Variants in INKA2 observed in about 807,000 individuals in gnomAD.
INKA2 encodes PAK4-inhibitor INKA2.
INKA2 carries 3 observed loss-of-function variants against 9.8 expected under a neutral mutation model. The observed-to-expected ratio is 0.31, with a 90% CI of 0.14 to 0.79. INKA2 has a LOEUF of 0.79. INKA2 is among the 30% of genes least tolerant of loss of function. The pLI is 0.62. For synonymous variants in INKA2, 147 were observed against 143.3 expected, an observed-to-expected ratio of 1.03 and a Z score of -0.18; for missense variants, 392 against 384.4, an observed-to-expected ratio of 1.02 and a Z score of -0.17.
intron 1 of INKA2, chr1:111,754,076 T>A (rs1443323123): frequency 6.6e-6 from 1 of 152,178 alleles, no homozygotes; most frequent in African/African-American, 2.4e-5. Flanking sequence ...TAAAGGGATC[T>A]AAAATATAGG....
At chr1:111,737,786 A>G (rs939772180) in intron 1 of INKA2, among the ~76,000 whole-genome samples, 3 of 152,210 alleles carry the variant, frequency 2.0e-5, no homozygotes, top group African/African-American at 7.2e-5. Flanking sequence ...GGGCTCCAGG[A>G]GGGAGGACTA....
Position 111,727,756 on chromosome 1 carries a change from T to G in INKA2, c.106A>C (p.Met36Leu), listed in dbSNP as rs756385584. Residue 36 changes from methionine to leucine, a missense_variant, in exon 2 of 2, where the codon ATG (methionine) becomes CTG (leucine). Transcript: ENST00000357260. ...TTCAGTTCTTGCAGTGCACCCATCA[T>G]GCAGTTCATCTGATCCTGTAAGCCA... Reference protein sequence around the residue: ...GDGLQDQMNCMMGALQELKLL... With the variant: ...GDGLQDQMNCLMGALQELKLL... The G allele has an allele frequency of 2.5e-6, 4 of 1,612,440 alleles. No individual in the cohort carries two copies. The highest frequency in any genetic ancestry group is 1.1e-5 in the South Asian group (1 of 91,082).
At chr1:111,754,810 G>GA (rs1416991204) in intron 1 of INKA2, 2 of 152,208 alleles carry the variant, frequency 1.3e-5, no homozygotes, top group African/African-American at 4.8e-5. Flanking sequence ...ATGCAGAGGA[G>GA]AACAAGACAG....
upstream of INKA2, among the ~76,000 whole-genome samples, chr1:111,743,367 C>T (rs894580185): frequency 2.0e-5 from 3 of 152,316 alleles, no homozygotes; most frequent in South Asian, 6.2e-4. Context: ...CGGTACTTTA[C>T]CTGACAGAGA....
intron 1 of INKA2, among the ~76,000 whole-genome samples, chr1:111,730,451 A>G (rs1465858649): frequency 6.6e-6 from 1 of 152,118 alleles, no homozygotes; most frequent in Non-Finnish European, 1.5e-5. Context: ...AGCCTCCTAG[A>G]CAGCTTCCGA....
At chr1:111,731,053 T>C (rs1662896000) in intron 1 of INKA2, among the ~76,000 whole-genome samples, 2 of 152,162 alleles carry the variant, frequency 1.3e-5, no homozygotes, top group Admixed American at 6.5e-5. Flanking sequence ...GAGGGAGGAA[T>C]GAAATGACTC....
At chr1:111,732,491 C>T (rs1662929298) in intron 1 of INKA2, among the ~76,000 whole-genome samples, 1 of 151,928 alleles carries the variant, frequency 6.6e-6, no homozygotes, top group African/African-American at 2.4e-5. Context: ...AGAGAATTCA[C>T]AAGAAGGTCG....
At chr1:111,734,682 C>T (rs895559492) in intron 1 of INKA2, among the ~76,000 whole-genome samples, 2 of 152,218 alleles carry the variant, frequency 1.3e-5, no homozygotes, top group Admixed American at 6.5e-5. Flanking sequence ...CTTCAGACAT[C>T]CCCACCACTT....
chr1:111,752,329 A>G (rs1050171795), intron 1 of INKA2, among the ~76,000 whole-genome samples: 2 of 152,236 alleles, frequency 1.3e-5, no homozygotes, highest in African/African-American at 4.8e-5. Context: ...TTGGCTCCCC[A>G]CATCTGGTTA....
chr1:111,733,670 C>T (rs963207669), intron 1 of INKA2, among the ~76,000 whole-genome samples: 2 of 152,162 alleles, frequency 1.3e-5, no homozygotes, highest in Non-Finnish European at 1.5e-5. Context: ...GCCCTGAGCC[C>T]CACAGAGGTT....
In INKA2 at chr1:111,755,638, G is replaced by A; in HGVS notation, n.124+63C>T. ...GGCTCCGCCCAGAAGAGGGCCGAGA[G>A]GCGGGGCGGTGCCCCCACCGCAGGC... On this transcript the variant is annotated intron_variant and non_coding_transcript_variant, in intron 1 of 1. Coordinates refer to the INKA2 transcript ENST00000444059. 6.9e-6 allele frequency: 11 copies of A among 1,604,824 alleles called. No individual in the cohort carries two copies. In the South Asian group the frequency reaches 1.2e-4, roughly 18 times the overall value.
rs1312899005 is a variant in INKA2 at position 111,727,005 on chromosome 1, G to C, written c.857C>G (p.Pro286Arg). Residue 286 changes from proline (P) to arginine (R), a missense_variant, in exon 2 of 2, where the codon CCC (proline) becomes CGC (arginine). By Grantham distance (103) the Pro-to-Arg change is moderately radical. Transcript: ENST00000357260. ...AGCTGTGTTAATATCAAATCCTGAG[G>C]GTGAGTGCTCCAGGGCCTTGGGGCA... ...TSCPKALEHS[P>R]SGFDINTAVW... is the part of the protein sequence containing the mutation. 7 of 1,613,822 alleles carry C rather than the reference G, an allele frequency of 4.3e-6. No individual in the cohort carries two copies.
chr1:111,739,353 A>C lies in INKA2; in HGVS notation c.-111T>G, dbSNP rs1030357936. The C allele has an allele frequency of 5.1e-5, 80 of 1,555,706 alleles. No homozygotes were observed. In the African/African-American group the frequency reaches 1.0e-3, roughly 20 times the overall value. ...CCGCCCCTGCGCCCGTAGCGCTCGC[A>C]GCGCGGAGCTGAGCCTGCGCTCCGA... On this transcript the variant is annotated 5_prime_UTR_variant, in exon 1 of 2. Transcript: ENST00000357260.
At chr1:111,751,088 T>A (rs977008292) in intron 1 of INKA2, among the ~76,000 whole-genome samples, 4 of 152,220 alleles carry the variant, frequency 2.6e-5, no homozygotes, top group Non-Finnish European at 5.9e-5. Flanking sequence ...GCTCAGGGTA[T>A]CAGCCCCCAC....
intron 1 of INKA2, among the ~76,000 whole-genome samples, chr1:111,729,193 C>G (rs183665186): frequency 1.3e-5 from 2 of 152,296 alleles, no homozygotes; most frequent in East Asian, 3.9e-4. Context: ...CCTGGGGTTT[C>G]CTGCAATTGC....
At position 111,748,832 on chromosome 1, in the gene INKA2, T is replaced by C. The variant is rs544446364; in HGVS notation, n.124+6869A>G. On this transcript the variant is annotated intron_variant and non_coding_transcript_variant, in intron 1 of 1. Coordinates refer to the INKA2 transcript ENST00000444059. ...CACCACCGAGGCTCAGATTAGACAG[T>C]GACAATTACTTCTTCTTTCCTGGCT... Among the ~76,000 whole-genome samples the C allele has an allele frequency of 9.2e-5, 14 of 152,250 alleles. No homozygotes were observed. In the South Asian group the frequency reaches 1.9e-3, roughly 20 times the overall value.
At chr1:111,750,195 C>G (rs1295843264) in intron 1 of INKA2, among the ~76,000 whole-genome samples, 1 of 152,190 alleles carries the variant, frequency 6.6e-6, no homozygotes, top group Admixed American at 6.5e-5. Context: ...GGGAGGATCA[C>G]CTGGGGTTCT....
upstream of INKA2, among the ~76,000 whole-genome samples, chr1:111,739,613 G>A (rs542973245): frequency 5.3e-5 from 8 of 152,318 alleles, no homozygotes; most frequent in South Asian, 1.2e-3. Flanking sequence ...CAGCGCGGCG[G>A]AGGGCATCGT....
At position 111,726,731 on chromosome 1, in the gene INKA2, G is replaced by A. The variant is rs41314013; in HGVS notation, c.*237C>T. On this transcript the variant is annotated 3_prime_UTR_variant, in exon 2 of 2. Transcript: ENST00000357260. ...CACATGCACACACACACACACACAC[G>A]CACAGCTCACTCTCCAGCTACTCTT... is the stretch of plus-strand genomic sequence containing the variant. The A allele has an allele frequency of 0.049, 27,000 of 556,436 alleles. 417 individuals are homozygous for A. The highest frequency in any genetic ancestry group is 0.07 in the South Asian group (3,350 of 48,060). The allele number at this position is 556,436 out of a possible 1,614,324, so 34.5% of individuals were successfully genotyped here.
Sources: allele counts gnomAD v4.1 joint callset (sites outside exome capture counted in the v4.1 genomes callset), GRCh38; gene constraint gnomAD v4.1.1; transcripts MANE v1.5; gene names NCBI Gene and HGNC (gene_info 2026-07-23, HGNC 2026-07-21).